The following CTCF variants were observed in gnomAD, a reference collection of about 807,000 sequenced individuals.
CTCF encodes the protein CCCTC-binding factor.
A neutral mutation model predicts 72.3 loss-of-function variants in CTCF; 7 were observed. That is an observed-to-expected ratio of 0.10 (90% confidence interval 0.06 to 0.18). The LOEUF (loss-of-function observed/expected upper bound fraction) is 0.18, where lower values mean the gene tolerates loss of function less well. Among genes scored for constraint, CTCF ranks in the 10% least tolerant of loss-of-function variants. The probability of loss-of-function intolerance (pLI) is 1.00; values close to 1 mark genes in which losing one functional copy is unlikely to be tolerated. For synonymous variants in CTCF, 374 were observed against 315.8 expected, an observed-to-expected ratio of 1.18 and a Z score of -1.95; for missense variants, 516 against 949.1, an observed-to-expected ratio of 0.54 and a Z score of 6.00.
intron 2 of CTCF, among the ~76,000 whole-genome samples, chr16:67,576,439 G>A (rs1447736502): frequency 1.3e-5 from 2 of 151,192 alleles, no homozygotes; most frequent in Non-Finnish European, 2.9e-5. Flanking sequence ...TTTTTTTAAT[G>A]CAAATACTTT....
At chr16:67,632,063 G>A (rs1224422417) in intron 10 of CTCF, among the ~76,000 whole-genome samples, 2 of 136,988 alleles carry the variant, frequency 1.5e-5, no homozygotes, top group Non-Finnish European at 3.1e-5. Flanking sequence ...AACAGAGCGA[G>A]ACCCTGTCTC....
At chr16:67,572,944 C>CCG in intron 2 of CTCF, among the ~76,000 whole-genome samples, 1 of 104,410 alleles carries the variant, frequency 9.6e-6, no homozygotes, top group African/African-American at 3.9e-5. Context: ...TCTGCCCCCC[C>CCG]CCGCCCCCCC....
intron 7 of CTCF, among the ~76,000 whole-genome samples, chr16:67,626,291 A>C (rs543835841): frequency 5.5e-5 from 8 of 145,702 alleles, no homozygotes; most frequent in Non-Finnish European, 1.2e-4. Context: ...TACAAAAATA[A>C]AAAATAAAAA....
chr16:67,571,536 T>C (rs1240304271), intron 2 of CTCF, among the ~76,000 whole-genome samples: 1 of 152,192 alleles, frequency 6.6e-6, no homozygotes, highest in Non-Finnish European at 1.5e-5. Flanking sequence ...CTATTCTCCG[T>C]TAATGAGAAT....
intron 1 of CTCF, among the ~76,000 whole-genome samples, chr16:67,562,950 C>G (rs1567586554): frequency 7.1e-6 from 1 of 139,956 alleles, no homozygotes; most frequent in Non-Finnish European, 1.6e-5. Flanking sequence ...CCCGCTAGGC[C>G]TCCCTCCTGG....
At chr16:67,580,898 G>A (rs1253208001) in intron 2 of CTCF, among the ~76,000 whole-genome samples, 3 of 151,580 alleles carry the variant, frequency 2.0e-5, no homozygotes, top group Non-Finnish European at 4.4e-5. Context: ...TTACAGGCGT[G>A]AGCCACCGCA....
intron 5 of CTCF, among the ~76,000 whole-genome samples, chr16:67,617,954 G>A (rs2052154393): frequency 6.6e-6 from 1 of 152,146 alleles, no homozygotes; most frequent in Admixed American, 6.6e-5. Context: ...GAAACACAAA[G>A]ATTGTTTATC....
intron 2 of CTCF, among the ~76,000 whole-genome samples, chr16:67,596,460 A>C (rs964438097): frequency 6.6e-6 from 1 of 152,106 alleles, no homozygotes; most frequent in African/African-American, 2.4e-5. Flanking sequence ...ACAGTTATAC[A>C]TATGATAAAG....
rs755120743 is a variant in CTCF, at chr16:67,620,750, G to A, written c.1140G>A (p.Gln380=). 1.1e-5 allele frequency: 17 copies of A among 1,604,524 alleles called. No homozygotes were observed. Among genetic ancestry groups the A allele is most frequent in the Non-Finnish European group, 1.4e-5 (17 of 1,172,828 alleles). ...CTCATACTGGAGAGCGTCCGTTTCA[G>A]TGCAGTTTGTGCAGTTATGCCAGCA... ...IRSHTGERPF[Q]CSLCSYASRD... is the part of the protein sequence containing the mutation. The change falls in exon 6 of 12, where the codon CAG becomes CAA. Residue 380 remains glutamine, a synonymous_variant. Transcript: ENST00000264010.
chr16:67,563,735 A>G (rs2051309490), intron 1 of CTCF: 1 of 152,248 alleles, frequency 6.6e-6, no homozygotes, highest in African/African-American at 2.4e-5. Flanking sequence ...GTGACGTGAC[A>G]AATTTCTGAA....
At position 67,624,069 on chromosome 16, in the gene CTCF, A is replaced by ATG. The variant is rs1482127509; in HGVS notation, c.1357+2479_1357+2480insGT. On this transcript the variant is annotated intron_variant, in intron 7 of 11. Transcript: ENST00000264010. ...TCTCAAAAAAAAAAAAAAAAATTAT[A>ATG]TATGTGTGTGTGTGTGTGTGTGTGT... Among the ~76,000 whole-genome samples the ATG allele has an allele frequency of 5.7e-3, 520 of 91,444 alleles. 3 individuals are homozygous for ATG. The highest frequency in any genetic ancestry group is 6.5e-3 in the Non-Finnish European group (296 of 45,532). The allele number at this position is 91,444 out of a possible 152,430, so 60.0% of individuals were successfully genotyped here. A position where few individuals can be genotyped will look rare whatever the true frequency, so the allele number is the denominator to read the frequency against.
intron 4 of CTCF, chr16:67,616,537 G>T (rs2052133836): frequency 3.7e-6 from 2 of 535,236 alleles, no homozygotes; most frequent in South Asian, 5.5e-5. Context: ...AACTAATTTG[G>T]TATGTGTTAT....
At chr16:67,569,058 C>A (rs373703615) in intron 1 of CTCF, among the ~76,000 whole-genome samples, 4 of 151,696 alleles carry the variant, frequency 2.6e-5, no homozygotes, top group South Asian at 2.1e-4. Context: ...TCAGGCTGGT[C>A]TTGAACTCCT....
chr16:67,584,532 T>C (rs959736791), intron 2 of CTCF, among the ~76,000 whole-genome samples: 7 of 151,794 alleles, frequency 4.6e-5, no homozygotes, highest in African/African-American at 1.7e-4. Context: ...TTCACCATCT[T>C]GGCCAGGCTG....
At chr16:67,572,168 G>A (rs1451209058) in intron 2 of CTCF, among the ~76,000 whole-genome samples, 1 of 152,172 alleles carries the variant, frequency 6.6e-6, no homozygotes, top group Non-Finnish European at 1.5e-5. Context: ...AAAGAGAAGG[G>A]AATAGGAATG....
In CTCF at chr16:67,626,680, T is replaced by C; in HGVS notation, c.1483T>C (p.Phe495Leu). 6.5e-7 allele frequency: 1 copy of C among 1,538,558 alleles called. No homozygotes were observed. The highest frequency in any genetic ancestry group is 8.8e-7 in the Non-Finnish European group (1 of 1,139,614). Reference sequence around the variant, plus strand: ...GAAGTCACACAAGAATGAGAAGCGCTTTAAGTGTGACCAGTGTGATTACGC... The same window carrying C: ...GAAGTCACACAAGAATGAGAAGCGCCTTAAGTGTGACCAGTGTGATTACGC... ...HQKSHKNEKRFKCDQCDYACR... is the reference protein window; with the variant it reads ...HQKSHKNEKRLKCDQCDYACR... The change falls in exon 8 of 12, where the codon TTT becomes CTT. Residue 495 changes from phenylalanine to leucine, a missense_variant. Physicochemically the swap from Phe to Leu is conservative, Grantham distance 22. Around this residue, in one of 7 missense-constraint regions of CTCF, gnomAD observed 81 missense variants for 184.3 expected, o/e 0.44. Transcript: ENST00000264010.
Position 67,636,748 on chromosome 16 carries a change from T to G in CTCF, c.1896T>G (p.Ile632Met), listed in dbSNP as rs777491239. 1 of 1,609,318 alleles carries G rather than the reference T, an allele frequency of 6.2e-7. No homozygotes were observed. Among genetic ancestry groups the G allele is most frequent in the African/African-American group, 1.3e-5 (1 of 74,802 alleles). The change falls in exon 11 of 12, where the codon ATT becomes ATG. Residue 632 changes from isoleucine (I) to methionine (M), a missense_variant. By Grantham distance (10) the Ile-to-Met change is conservative (BLOSUM62 1). Around this residue, in one of 7 missense-constraint regions of CTCF, gnomAD observed 157 missense variants for 172.9 expected, o/e 0.91. Coordinates refer to ENST00000264010, the MANE Select transcript of CTCF (RefSeq NM_006565.4). ...NEDEEEPAVE[I>M]EPEPEPQPVT... Reference sequence around the variant, plus strand: ...ATGAGGAGGAGCCTGCCGTAGAAATTGAACCTGAGCCAGAGCCTCAGCCTG... The same window carrying G: ...ATGAGGAGGAGCCTGCCGTAGAAATGGAACCTGAGCCAGAGCCTCAGCCTG...
chr16:67,573,068 T>C (rs1244585474), intron 2 of CTCF, among the ~76,000 whole-genome samples: 2 of 148,910 alleles, frequency 1.3e-5, no homozygotes, highest in East Asian at 4.0e-4. Flanking sequence ...CTGGCCAACA[T>C]GGTGAAACCC....
chr16:67,565,142 C>T (rs1196879671), intron 1 of CTCF, among the ~76,000 whole-genome samples: 1 of 151,916 alleles, frequency 6.6e-6, no homozygotes, highest in African/African-American at 2.4e-5. Context: ...GCAGGAATTA[C>T]AGGCCCGTGC....
Sources: gnomAD v4.1 joint callset for allele counts (sites outside exome capture counted in the v4.1 genomes callset) on GRCh38, gnomAD v4.1.1 for gene constraint, gnomAD v4.1.1 regional missense constraint, MANE v1.5 for transcripts, NCBI Gene and HGNC (gene_info 2026-07-23, HGNC 2026-07-21) for gene names.